The following DAPK3 variants were observed in gnomAD, a reference collection of about 807,000 sequenced individuals.
DAPK3 encodes death-associated protein kinase 3.
Under a neutral mutation model 30.6 loss-of-function variants are expected in DAPK3, and 24 were observed. That is an observed-to-expected ratio of 0.78 (90% CI 0.57 to 1.10). The LOEUF (loss-of-function observed/expected upper bound fraction) is 1.10. Among genes scored for constraint, DAPK3 ranks in the 50% least tolerant of loss-of-function variants. The pLI is 0.00. For missense variants in DAPK3, 629 were observed against 657.3 expected, an observed-to-expected ratio of 0.96 and a Z score of 0.47; for synonymous variants, 341 against 284.0, an observed-to-expected ratio of 1.20 and a Z score of -2.02.
intron 1 of DAPK3, among the ~76,000 whole-genome samples, chr19:3,970,308 G>A (rs1436925325): frequency 6.6e-6 from 1 of 152,100 alleles, no homozygotes; most frequent in African/African-American, 2.4e-5. Flanking sequence ...CTGTCGCCCT[G>A]GCTGGAGTGC....
intron 7 of DAPK3, 90 bp downstream of exon 7, chr19:3,960,919 G>C: frequency 7.2e-7 from 1 of 1,379,958 alleles, no homozygotes; most frequent in Non-Finnish European, 1.0e-6. Flanking sequence ...CAGGGAGGTG[G>C]CGCTGGGAGG....
intron 7 of DAPK3, among the ~76,000 whole-genome samples, 164 bp from the exon 8 acceptor site, chr19:3,960,268 TG>T (rs1351537219): frequency 6.6e-5 from 10 of 152,066 alleles, no homozygotes; most frequent in Admixed American, 5.2e-4. Flanking sequence ...TGGGGTTTTC[TG>T]GGGGGTGGTG....
At chr19:3,970,366 C>T (rs542496650) in intron 1 of DAPK3, among the ~76,000 whole-genome samples, 2 of 152,204 alleles carry the variant, frequency 1.3e-5, no homozygotes, top group East Asian at 3.9e-4. Flanking sequence ...AAGGCTCAAG[C>T]GATCGTCCCA....
In DAPK3 at chr19:3,964,835, G is replaced by A; in HGVS notation, c.219C>T (p.His73=). ...REVNILREIR[H]PNIITLHDIF... ...TGTCGTGCAGGGTGATGATGTTGGG[G>A]TGCCGGATCTCCCGCAGGATGTTCA... The change falls in exon 3 of 9, where the codon CAC becomes CAT. Residue 73 remains histidine, a synonymous_variant. Coordinates refer to ENST00000545797, the MANE Select transcript of DAPK3 (RefSeq NM_001348.3). 1 of 1,613,078 alleles carries A rather than the reference G, an allele frequency of 6.2e-7. No homozygotes were observed. The highest frequency in any genetic ancestry group is 8.5e-7 in the Non-Finnish European group (1 of 1,179,260).
chr19:3,965,511 G>C (rs1037136731), intron 2 of DAPK3, among the ~76,000 whole-genome samples: 109 of 152,218 alleles, frequency 7.2e-4, no homozygotes, highest in Non-Finnish European at 1.3e-3. Flanking sequence ...CCAGCTACTT[G>C]GGAGGCTGAG....
At chr19:3,970,206 G>A (rs920577499) in intron 1 of DAPK3, among the ~76,000 whole-genome samples, 6 of 152,104 alleles carry the variant, frequency 3.9e-5, no homozygotes, top group Admixed American at 6.5e-5. Context: ...AAATCCCAGG[G>A]CTACCTTACT....
chr19:3,964,536 C>T (rs1231792072), intron 3 of DAPK3, 95 bp downstream of exon 3: 4 of 1,381,800 alleles, frequency 2.9e-6, no homozygotes, highest in African/African-American at 2.9e-5. Context: ...CCACACCTCA[C>T]CCCCACGCGC....
At chr19:3,961,511 C>T (rs1309554879) in intron 6 of DAPK3, 1 of 529,640 alleles carries the variant, frequency 1.9e-6, no homozygotes, top group East Asian at 5.4e-5. Flanking sequence ...ACACCTTAGC[C>T]AAAGGATCAA....
Position 3,963,642 on chromosome 19 carries a change from C to T in DAPK3, c.629+1G>A. ...CGAGGGGGCCCCCGCCAGGTACTCA[C>T]AGGATATAGGTGATGACACCGATGC... On this transcript the variant is annotated splice_donor_variant, in intron 6 of 8. Transcript: ENST00000545797. LOFTEE classifies it high-confidence loss of function. 6.6e-7 allele frequency: 1 copy of T among 1,525,240 alleles called. No homozygotes were observed. The highest frequency in any genetic ancestry group is 1.3e-5 in the South Asian group (1 of 77,966). 94.5% of individuals were successfully genotyped at this position (1,525,240 alleles called of 1,614,324 possible). A position where few individuals can be genotyped will look rare whatever the true frequency, so the allele number is the denominator to read the frequency against.
At chr19:3,967,122 C>T (rs1051053868) in intron 2 of DAPK3, among the ~76,000 whole-genome samples, 1 of 152,208 alleles carries the variant, frequency 6.6e-6, no homozygotes, top group Non-Finnish European at 1.5e-5. Flanking sequence ...TACACACCGA[C>T]AATTTCTACT....
chr19:3,961,514 A>AGGATCAAGGTCAACAG (rs747373813), intron 6 of DAPK3: 11 of 527,988 alleles, frequency 2.1e-5, no homozygotes, highest in Admixed American at 1.4e-4. Context: ...CCTTAGCCAA[A>AGGATCAAGGTCAACAG]GGATCAAGGT....
chr19:3,966,067 G>A (rs2039574465), intron 2 of DAPK3, among the ~76,000 whole-genome samples: 1 of 152,156 alleles, frequency 6.6e-6, no homozygotes, highest in Non-Finnish European at 1.5e-5. Flanking sequence ...TACAGGTGGA[G>A]CCGCTACATC....
rs574055129 is a variant in DAPK3 at position 3,970,228 on chromosome 19, G to C, written c.-94-399C>G. ...AGGGCTACCTTACTCCCTGGCCAAT[G>C]TCTTAACGAAGTTCTCAAGTCTACT... is the stretch of plus-strand genomic sequence containing the variant. On this transcript the variant is annotated intron_variant, in intron 1 of 8. Coordinates refer to ENST00000545797, the MANE Select transcript of DAPK3 (RefSeq NM_001348.3). Among the ~76,000 whole-genome samples, 5 of 152,272 alleles carry C rather than the reference G, an allele frequency of 3.3e-5. No homozygotes were observed. In the South Asian group the frequency reaches 1.0e-3, roughly 32 times the overall value.
chr19:3,969,899 G>A (rs1413039700), intron 1 of DAPK3, 70 bp from the exon 2 acceptor site: 12 of 605,012 alleles, frequency 2.0e-5, no homozygotes, highest in Non-Finnish European at 3.0e-5. Context: ...TTAATGGACA[G>A]ACCTGTCCAG....
chr19:3,965,658 T>TTTG (rs1555682664), intron 2 of DAPK3, among the ~76,000 whole-genome samples: 10 of 151,776 alleles, frequency 6.6e-5, no homozygotes, highest in East Asian at 1.9e-4. Flanking sequence ...GATCCGCTTT[T>TTTG]TTTGTTTTTG....
chr19:3,969,739 G>T lies in DAPK3; in HGVS notation c.-4C>A. On this transcript the variant is annotated 5_prime_UTR_variant, in exon 2 of 9. Transcript: ENST00000545797. ...CCTCCTGCCTGAACGTGGACATGGC[G>T]GCCGGTCCGCCTTCCAGCAGCTTCC... The T allele has an allele frequency of 6.2e-7, 1 of 1,609,596 alleles. No individual in the cohort carries two copies. Among genetic ancestry groups the T allele is most frequent in the Non-Finnish European group, 8.5e-7 (1 of 1,177,592 alleles).
Position 3,959,615 on chromosome 19 carries a change from C to T in DAPK3, c.851G>A (p.Arg284His), listed in dbSNP as rs973700357. ...GGGCTTGCGGCCGCTGTCCTCACCA[C>T]GCACGTTCCGCCGCCGGATCGCCTA... ...WIKAIRRRNV[R>H]GEDSGRKPER... The change falls in exon 9 of 9, where the codon CGT becomes CAT. Residue 284 changes from arginine to histidine, a missense_variant. Arg to His is a conservative substitution (Grantham distance 29). Coordinates refer to ENST00000545797, the MANE Select transcript of DAPK3 (RefSeq NM_001348.3). The T allele has an allele frequency of 6.3e-7, 1 of 1,582,322 alleles. No individual in the cohort carries two copies. The highest frequency in any genetic ancestry group is 8.5e-7 in the Non-Finnish European group (1 of 1,171,254).
rs1160808911 is a variant in DAPK3 at position 3,958,949 on chromosome 19, G to A, written c.*152C>T. 8.4e-6 allele frequency: 5 copies of A among 595,006 alleles called. No individual in the cohort carries two copies. Among genetic ancestry groups the A allele is most frequent in the Middle Eastern group, 4.5e-4 (1 of 2,224 alleles). The allele number at this position is 595,006 out of a possible 1,614,324, so 36.9% of individuals were successfully genotyped here. A position where few individuals can be genotyped will look rare whatever the true frequency, so the allele number is the denominator to read the frequency against. On this transcript the variant is annotated 3_prime_UTR_variant, in exon 9 of 9. Transcript: ENST00000545797. ...ACCCACCCCTGCCTGCGAACTTACG[G>A]GCCTGGCTCCAGCTCCTCCCACTCC...
At chr19:3,961,218 G>A (rs1312560753) in intron 6 of DAPK3, 57 bp from the exon 7 acceptor site, 29 of 1,448,814 alleles carry the variant, frequency 2.0e-5, no homozygotes, top group African/African-American at 5.6e-5. Context: ...CGGCCGCGCC[G>A]CCTCTCCGGC....
Sources: allele counts gnomAD v4.1 joint callset (sites outside exome capture counted in the v4.1 genomes callset), GRCh38; gene constraint gnomAD v4.1.1; transcripts MANE v1.5; gene names NCBI Gene and HGNC (gene_info 2026-07-23, HGNC 2026-07-21).